LHFPL3: variants seen among roughly 807,000 people sequenced by gnomAD.
LHFPL3 encodes LHFPL tetraspan subfamily member 3, also known as LHFPL tetraspan subfamily member 3 protein.
Under a neutral mutation model 19.3 loss-of-function variants are expected in LHFPL3, and 5 were observed. The ratio of observed to expected loss-of-function variants is 0.26; its 90% CI spans 0.14 to 0.54. LHFPL3 has a LOEUF of 0.54. Ranked by LOEUF, LHFPL3 falls within the 20% of genes least tolerant of loss-of-function variation. LHFPL3 has a pLI of 0.94. For synonymous variants in LHFPL3, 133 were observed against 126.2 expected, an observed-to-expected ratio of 1.05 and a Z score of -0.36; for missense variants, 249 against 307.4, an observed-to-expected ratio of 0.81 and a Z score of 1.42.
At chr7:104,680,418 AG>A (rs1288139138) in intron 1 of LHFPL3, among the ~76,000 whole-genome samples, 4 of 152,186 alleles carry the variant, frequency 2.6e-5, no homozygotes, top group African/African-American at 9.7e-5. Context: ...GTGCCAGCAC[AG>A]GGGATTCATT....
chr7:104,867,307 TCAA>T (rs951514961), intron 2 of LHFPL3, among the ~76,000 whole-genome samples: 1 of 151,914 alleles, frequency 6.6e-6, no homozygotes, highest in Non-Finnish European at 1.5e-5. Flanking sequence ...TTTGAAAAGA[TCAA>T]CAAAATTGAC....
At chr7:104,388,802 G>A (rs1791000827) in intron 1 of LHFPL3, among the ~76,000 whole-genome samples, 1 of 148,280 alleles carries the variant, frequency 6.7e-6, no homozygotes, top group African/African-American at 2.5e-5. Context: ...TGCAGGAATA[G>A]CATTTGACAA....
chr7:104,738,675 C>T (rs754949854), intron 2 of LHFPL3: 7 of 152,078 alleles, frequency 4.6e-5, no homozygotes, highest in Middle Eastern at 3.4e-3. Context: ...ATAATTCTCC[C>T]GATTCATGGT....
chr7:104,906,265 G>T lies in LHFPL3; in HGVS notation c.*50G>T. The T allele has an allele frequency of 6.4e-7, 1 of 1,573,086 alleles. No homozygotes were observed. The highest frequency in any genetic ancestry group is 8.7e-7 in the Non-Finnish European group (1 of 1,153,016). On this transcript the variant is annotated 3_prime_UTR_variant, in exon 3 of 3. Transcript: ENST00000424859. ...TAAACAAATCGAATAACAGCTAAACGAATCGAATAACAGCTTTTGTACATC... is the reference window on the plus strand; with the variant it reads ...TAAACAAATCGAATAACAGCTAAACTAATCGAATAACAGCTTTTGTACATC...
chr7:104,640,564 T>C (rs968640318), intron 1 of LHFPL3, among the ~76,000 whole-genome samples: 6 of 152,202 alleles, frequency 3.9e-5, no homozygotes, highest in Non-Finnish European at 8.8e-5. Flanking sequence ...CTATTATAAA[T>C]AGTGCTGCAG....
chr7:104,606,722 C>T (rs1791109835), intron 1 of LHFPL3, among the ~76,000 whole-genome samples: 1 of 152,178 alleles, frequency 6.6e-6, no homozygotes, highest in Non-Finnish European at 1.5e-5. Flanking sequence ...TGTTGGAGAA[C>T]TGGAGTTATC....
chr7:104,621,740 G>T (rs1791449838), intron 1 of LHFPL3, among the ~76,000 whole-genome samples: 2 of 152,216 alleles, frequency 1.3e-5, no homozygotes, highest in African/African-American at 4.8e-5. Flanking sequence ...TCCAACTTCA[G>T]TCCTTTCATT....
intron 1 of LHFPL3, among the ~76,000 whole-genome samples, chr7:104,567,179 T>C (rs118109644): frequency 6.6e-6 from 1 of 152,360 alleles, no homozygotes; most frequent in Non-Finnish European, 1.5e-5. Flanking sequence ...TTCCTAGTGA[T>C]TGAGAAATCA....
chr7:104,501,464 A>G (rs944882711), intron 1 of LHFPL3, among the ~76,000 whole-genome samples: 4 of 152,206 alleles, frequency 2.6e-5, no homozygotes, highest in Non-Finnish European at 2.9e-5. Flanking sequence ...TAAGATGCTA[A>G]TAAAATTTGG....
intron 1 of LHFPL3, among the ~76,000 whole-genome samples, chr7:104,642,822 C>T (rs1791862098): frequency 6.6e-6 from 1 of 152,168 alleles, no homozygotes; most frequent in Non-Finnish European, 1.5e-5. Flanking sequence ...GAAGGTTCCC[C>T]CTTTACCAGC....
intron 1 of LHFPL3, among the ~76,000 whole-genome samples, chr7:104,435,523 C>G (rs1042151465): frequency 6.8e-6 from 1 of 147,486 alleles, no homozygotes; most frequent in Non-Finnish European, 1.5e-5. Flanking sequence ...TAAAAAAAGT[C>G]ATTTTTATAA....
chr7:104,737,151 GC>G (rs1288159483), intron 2 of LHFPL3, among the ~76,000 whole-genome samples: 1 of 13,414 alleles, frequency 7.5e-5, no homozygotes, highest in Admixed American at 8.7e-4. Flanking sequence ...TTATTTTGAT[GC>G]TTTTTTTTTT....
chr7:104,654,985 C>T (rs1792096959), intron 1 of LHFPL3, among the ~76,000 whole-genome samples: 1 of 152,110 alleles, frequency 6.6e-6, no homozygotes, highest in African/African-American at 2.4e-5. Flanking sequence ...TGACACATTC[C>T]CTGCCTCAGA....
intron 1 of LHFPL3, among the ~76,000 whole-genome samples, chr7:104,545,412 G>C (rs866625971): frequency 6.6e-6 from 1 of 152,086 alleles, no homozygotes; most frequent in African/African-American, 2.4e-5. Context: ...TCTAGTGCTG[G>C]CCTTCAGGAA....
intron 1 of LHFPL3, among the ~76,000 whole-genome samples, chr7:104,343,771 C>A (rs867795874): frequency 6.6e-6 from 1 of 151,216 alleles, no homozygotes; most frequent in Non-Finnish European, 1.5e-5. Flanking sequence ...CATACTAAAA[C>A]AACCATTTGT....
At chr7:104,339,432 A>G (rs1365798648) in intron 1 of LHFPL3, among the ~76,000 whole-genome samples, 2 of 152,198 alleles carry the variant, frequency 1.3e-5, no homozygotes, top group African/African-American at 4.8e-5. Context: ...TAGAGACAAT[A>G]GGTGGTTTGA....
At chr7:104,529,058 T>A (rs1794243343) in intron 1 of LHFPL3, among the ~76,000 whole-genome samples, 1 of 152,148 alleles carries the variant, frequency 6.6e-6, no homozygotes, top group Admixed American at 6.5e-5. Flanking sequence ...TCTTGACAGC[T>A]CCAGGCTCAT....
Position 104,666,512 on chromosome 7 carries a change from C to CTTTTTTTTTTTTTTTT in LHFPL3, c.446-70151_446-70136dup, listed in dbSNP as rs71155514. On this transcript the variant is annotated intron_variant, in intron 1 of 2. Transcript: ENST00000424859. ...TTGCTGAAAATGACAGGATTTCATT[C>CTTTTTTTTTTTTTTTT]TTTTTTTTTTTTTTTTTTTTTTTTT... Among the ~76,000 whole-genome samples, 96 of 42,236 alleles carry CTTTTTTTTTTTTTTTT rather than the reference C, an allele frequency of 2.3e-3. 32 individuals carry two copies. Among genetic ancestry groups the CTTTTTTTTTTTTTTTT allele is most frequent in the Non-Finnish European group, 3.4e-3 (76 of 22,202 alleles). 27.7% of individuals were successfully genotyped at this position (42,236 alleles called of 152,430 possible).
chr7:104,623,101 A>T, intron 1 of LHFPL3: 1 of 213,632 alleles, frequency 4.7e-6, no homozygotes, highest in East Asian at 1.4e-4. Flanking sequence ...TATTCAAGTC[A>T]TTTGCCTATT....
Sources: gnomAD v4.1 joint callset for allele counts (sites outside exome capture counted in the v4.1 genomes callset) on GRCh38, gnomAD v4.1.1 for gene constraint, MANE v1.5 for transcripts, NCBI Gene and HGNC (gene_info 2026-07-23, HGNC 2026-07-21) for gene names.